DGKD: variants seen among roughly 807,000 people sequenced by gnomAD.
DGKD encodes diacylglycerol kinase delta, also known as DAG kinase delta.
DGKD carries 68 observed loss-of-function variants against 154.4 expected under a neutral mutation model. That is an observed-to-expected ratio of 0.44 (90% CI 0.36 to 0.54). DGKD has a LOEUF of 0.54. DGKD is among the 20% of genes least tolerant of loss of function. The probability of loss-of-function intolerance (pLI) is 0.00; values close to 1 mark genes in which losing one functional copy is unlikely to be tolerated. For synonymous variants in DGKD, 693 were observed against 638.0 expected (o/e 1.09, Z -1.30); for missense variants, 1,343 against 1,593.6 (o/e 0.84, Z 2.68).
rs551567184 is a variant in DGKD, at chr2:233,425,715, C to T, written c.349-8665C>T. 6.6e-4 allele frequency among the ~76,000 whole-genome samples: 100 copies of T among 152,256 alleles called. 1 individual carries two copies. The highest frequency in any genetic ancestry group is 9.3e-4 in the Non-Finnish European group (63 of 68,022). On this transcript the variant is annotated intron_variant, in intron 3 of 29. Transcript: ENST00000264057. The stretch of plus-strand genomic sequence containing the variant: ...TTCCATATAAGAACATGTAGAGTAG[C>T]TTCAGGGGTTTTAGTGGCTGCATAG...
chr2:233,428,658 G>A (rs1283607817), intron 3 of DGKD, among the ~76,000 whole-genome samples: 1 of 152,168 alleles, frequency 6.6e-6, no homozygotes, highest in Non-Finnish European at 1.5e-5. Context: ...AGCTAGCAAG[G>A]GCTTCAGACT....
chr2:233,427,542 A>G (rs1169201395), intron 3 of DGKD, among the ~76,000 whole-genome samples: 3 of 151,784 alleles, frequency 2.0e-5, no homozygotes, highest in Non-Finnish European at 4.4e-5. Flanking sequence ...GAGTTTTACC[A>G]TGTTGGCCAG....
intron 1 of DGKD, among the ~76,000 whole-genome samples, chr2:233,363,037 T>G (rs1701856893): frequency 6.6e-6 from 1 of 152,264 alleles, no homozygotes; most frequent in Admixed American, 6.5e-5. Flanking sequence ...ACTATGTTAC[T>G]GGTTTATGTA....
Position 233,434,836 on chromosome 2 carries a change from C to T in DGKD, c.521C>T (p.Pro174Leu), listed in dbSNP as rs758931999. 31 of 1,614,078 alleles carry T rather than the reference C, an allele frequency of 1.9e-5. No homozygotes were observed. In the Admixed American group the frequency reaches 2.3e-4, roughly 12 times the overall value. ...TGGTACGCCTGTTCCCACGCGAGGC[C>T]GACCTACTGCAATGTGTGCCGTGAG... is the stretch of plus-strand genomic sequence containing the variant. ...HNWYACSHAR[P>L]TYCNVCREAL... Residue 174 changes from proline to leucine, a missense_variant, in exon 5 of 30, where the codon CCG (proline) becomes CTG (leucine). Pro to Leu is a moderately conservative substitution (Grantham distance 98). Transcript: ENST00000264057.
In DGKD at chr2:233,386,118, A is replaced by G. The variant is rs1017305893; in HGVS notation, c.157-2139A>G. The G allele has an allele frequency of 2.7e-5, 9 of 337,874 alleles. No individual in the cohort carries two copies. The East Asian group carries it at 6.2e-4, about 23-fold the overall frequency. 20.9% of individuals were successfully genotyped at this position (337,874 alleles called of 1,614,324 possible). A position where few individuals can be genotyped will look rare whatever the true frequency, so the allele number is the denominator to read the frequency against. Reference sequence around the variant, plus strand: ...ATACTCCAGCATCTGTCCTTTAAAGATAACTTATAACTTTTCTGGGTTTTG... The same window carrying G: ...ATACTCCAGCATCTGTCCTTTAAAGGTAACTTATAACTTTTCTGGGTTTTG... On this transcript the variant is annotated intron_variant, in intron 1 of 29. Transcript: ENST00000264057.
chr2:233,373,997 C>T (rs1254793685), intron 1 of DGKD, among the ~76,000 whole-genome samples: 1 of 151,642 alleles, frequency 6.6e-6, no homozygotes, highest in Non-Finnish European at 1.5e-5. Flanking sequence ...CATGTAACTC[C>T]CCTTTATGTC....
intron 1 of DGKD, among the ~76,000 whole-genome samples, chr2:233,355,399 C>A (rs1701490666): frequency 2.0e-5 from 3 of 152,214 alleles, no homozygotes; most frequent in Admixed American, 6.5e-5. Context: ...AAACAGCTTA[C>A]GGTTTTTGCT....
Position 233,449,989 on chromosome 2 carries a change from T to C in DGKD, c.1896T>C (p.Asp632=). The C allele has an allele frequency of 1.1e-5, 17 of 1,601,392 alleles. No homozygotes were observed. Among genetic ancestry groups the C allele is most frequent in the Non-Finnish European group, 1.4e-5 (17 of 1,173,574 alleles). Residue 632 remains aspartate, a synonymous_variant, in exon 16 of 30, where the codon GAT becomes GAC. Coordinates refer to ENST00000264057, the MANE Select transcript of DGKD (RefSeq NM_152879.3). The surrounding 1 kb of genome is among the most constrained non-coding windows in gnomAD (Gnocchi z 5.3). The part of the protein sequence containing the change: ...QIIEHTEKAV[D]EQNAQTQEQE... ...CACACTCTCCTTGCACAGCTGTCGA[T>C]GAGCAGAATGCCCAGACCCAGGAGC...
At position 233,457,452 on chromosome 2, in the gene DGKD, C is replaced by T. The variant is rs964641591; in HGVS notation, c.2580+124C>T. 19 of 771,702 alleles carry T rather than the reference C, an allele frequency of 2.5e-5. No homozygotes were observed. Among genetic ancestry groups the T allele is most frequent in the African/African-American group, 1.5e-4 (9 of 58,654 alleles). 47.8% of individuals were successfully genotyped at this position (771,702 alleles called of 1,614,324 possible). On this transcript the variant is annotated intron_variant, in intron 21 of 29. Transcript: ENST00000264057. This position sits in a 1 kb window ranked among gnomAD's most constrained non-coding sequence, Gnocchi z 5.5. The stretch of plus-strand genomic sequence containing the variant: ...TCTGTTGTGCCAGCAGTGGGGTTGC[C>T]GTGGAGAACAAGATAGACAGGGTCC...
chr2:233,460,723 T>C (rs139201720), intron 24 of DGKD, among the ~76,000 whole-genome samples: 1,658 of 152,198 alleles, frequency 0.011, 18 homozygotes, highest in East Asian at 0.029. Context: ...ACCCCGTCTC[T>C]ACTAAAAATA....
intron 3 of DGKD, chr2:233,419,472 G>A (rs1196108134): frequency 2.0e-6 from 2 of 982,910 alleles, no homozygotes; most frequent in East Asian, 2.3e-4. Context: ...CTGTTGGGTG[G>A]TGAGTTCAAG....
chr2:233,448,329 A>C lies in DGKD; in HGVS notation c.1568A>C (p.Glu523Ala). Residue 523 changes from glutamate (E) to alanine (A), a missense_variant, in exon 14 of 30, where the codon GAG becomes GCG. This residue lies in a region of DGKD where 409 missense variants were observed against 446.0 expected (regional missense o/e 0.92). Coordinates refer to ENST00000264057, the MANE Select transcript of DGKD (RefSeq NM_152879.3). ...GTGGCACGGGTGGGGAAGGCCTATG[A>C]GAAGACGACCGAGAGCTCGGAGGAG... is the stretch of plus-strand genomic sequence containing the variant. ...DFVARVGKAY[E>A]KTTESSEESE... 1 of 1,614,086 alleles carries C rather than the reference A, an allele frequency of 6.2e-7. No individual in the cohort carries two copies. Among genetic ancestry groups the C allele is most frequent in the Non-Finnish European group, 8.5e-7 (1 of 1,179,994 alleles).
intron 3 of DGKD, among the ~76,000 whole-genome samples, chr2:233,411,348 A>G (rs1422205718): frequency 2.0e-5 from 3 of 152,164 alleles, no homozygotes; most frequent in African/African-American, 7.2e-5. Flanking sequence ...ATCCTCACCA[A>G]CACTTGGTGT....
intron 27 of DGKD, among the ~76,000 whole-genome samples, chr2:233,465,122 G>A (rs910776208): frequency 3.3e-5 from 5 of 152,188 alleles, no homozygotes; most frequent in South Asian, 4.1e-4. Flanking sequence ...CACTCCAGCC[G>A]ATGGATGAAA....
intron 1 of DGKD, among the ~76,000 whole-genome samples, chr2:233,374,735 G>T (rs572940413): frequency 7.9e-5 from 12 of 152,118 alleles, no homozygotes; most frequent in Non-Finnish European, 1.5e-4. Context: ...CTAAATTCCT[G>T]GGTTCAAGCA....
At position 233,453,593 on chromosome 2, in the gene DGKD, G is replaced by A. The variant is rs138994124; in HGVS notation, c.2265-1170G>A. ...CTAAAGTGTGTCAGAATTCTGGCCC[G>A]AGCAATGTTCCCAAGCCCATCCACC... On this transcript the variant is annotated intron_variant, in intron 18 of 29. Coordinates refer to ENST00000264057, the MANE Select transcript of DGKD (RefSeq NM_152879.3). 6.6e-3 allele frequency among the ~76,000 whole-genome samples: 1,002 copies of A among 152,338 alleles called. 7 individuals carry two copies. The highest frequency in any genetic ancestry group is 0.023 in the African/African-American group (948 of 41,574).
chr2:233,377,009 A>T (rs1330466444), intron 1 of DGKD, among the ~76,000 whole-genome samples: 2 of 151,328 alleles, frequency 1.3e-5, no homozygotes, highest in Non-Finnish European at 2.9e-5. Flanking sequence ...AAAAAAACTA[A>T]GTTTATCTTC....
rs1044973273 is a variant in DGKD at position 233,457,680 on chromosome 2, G to A, written c.2580+352G>A. On this transcript the variant is annotated intron_variant, in intron 21 of 29. Transcript: ENST00000264057. The surrounding 1 kb of genome is among the most constrained non-coding windows in gnomAD (Gnocchi z 5.5). ...AGAGGAGAGGGGGAGGCTGTTCCAG[G>A]CAGAGAGAATTGCACAGATGAAGGC... is the stretch of plus-strand genomic sequence containing the variant. 2.3e-6 allele frequency: 1 copy of A among 437,776 alleles called. No homozygotes were observed. The highest frequency in any genetic ancestry group is 4.5e-6 in the Non-Finnish European group (1 of 220,540). The allele number at this position is 437,776 out of a possible 1,614,324, so 27.1% of individuals were successfully genotyped here. A position where few individuals can be genotyped will look rare whatever the true frequency, so the allele number is the denominator to read the frequency against.
rs547399656 is a variant in DGKD, at chr2:233,364,588, C to T, written c.156+9914C>T. 4.3e-4 allele frequency among the ~76,000 whole-genome samples: 66 copies of T among 152,192 alleles called. 2 individuals are homozygous for T. In the South Asian group the frequency reaches 0.013, roughly 31 times the overall value. ...AATTATATTAGACAAGTCAGGGATG[C>T]ATGTTGTGTGTAATCTGTGTGGTGG... On this transcript the variant is annotated intron_variant, in intron 1 of 29. Coordinates refer to ENST00000264057, the MANE Select transcript of DGKD (RefSeq NM_152879.3).
Sources: allele counts gnomAD v4.1 joint callset (sites outside exome capture counted in the v4.1 genomes callset), GRCh38; gene constraint gnomAD v4.1.1; regional missense constraint gnomAD v4.1.1; non-coding constraint Gnocchi (gnomAD v3.1); transcripts MANE v1.5; gene names NCBI Gene and HGNC (gene_info 2026-07-23, HGNC 2026-07-21).